Variants in SLC8A1 observed in about 807,000 individuals in gnomAD.
The protein encoded by SLC8A1 is solute carrier family 8 member A1, also known as sodium/calcium exchanger 1.
Under a neutral mutation model 68.3 loss-of-function variants are expected in SLC8A1, and 18 were observed. The observed-to-expected ratio is 0.26, with a 90% CI of 0.18 to 0.39. The LOEUF (loss-of-function observed/expected upper bound fraction) is 0.39. Among genes scored for constraint, SLC8A1 ranks in the 10% least tolerant of loss-of-function variants. The pLI is 1.00. For synonymous variants in SLC8A1, 475 were observed against 415.5 expected, an observed-to-expected ratio of 1.14 and a Z score of -1.74; for missense variants, 985 against 1,156.7, an observed-to-expected ratio of 0.85 and a Z score of 2.15.
chr2:40,254,458 A>G (rs2063546431), intron 2 of SLC8A1: 2 of 115,326 alleles, frequency 1.7e-5, no homozygotes, highest in African/African-American at 6.7e-5. Flanking sequence ...ATCAGAAAAC[A>G]TGAAGCTAAA....
chr2:40,297,082 T>C (rs2070534747), intron 2 of SLC8A1, among the ~76,000 whole-genome samples: 1 of 152,186 alleles, frequency 6.6e-6, no homozygotes, highest in Non-Finnish European at 1.5e-5. Flanking sequence ...ATGATACTCA[T>C]GGTATTCTCC....
chr2:40,272,100 C>T (rs547784039), intron 2 of SLC8A1, among the ~76,000 whole-genome samples: 22 of 152,228 alleles, frequency 1.4e-4, no homozygotes, highest in Non-Finnish European at 2.4e-4. Context: ...AACGCCTGGT[C>T]GCAAATGCTC....
intron 1 of SLC8A1, among the ~76,000 whole-genome samples, chr2:40,481,767 GTTC>G (rs1340709984): frequency 8.5e-5 from 13 of 152,180 alleles, no homozygotes; most frequent in Non-Finnish European, 1.8e-4. Flanking sequence ...TGAGATGCCA[GTTC>G]TTCATGTCTC....
chr2:40,337,366 C>T (rs1448876019), intron 2 of SLC8A1: 5 of 329,926 alleles, frequency 1.5e-5, no homozygotes, highest in South Asian at 1.2e-4. Flanking sequence ...CTCAGTCGTA[C>T]AGAGTAGTTT....
chr2:40,120,566 A>C (rs1259137148), intron 7 of SLC8A1: 1 of 152,148 alleles, frequency 6.6e-6, no homozygotes, highest in Non-Finnish European at 1.5e-5. Flanking sequence ...TAAAATACTA[A>C]ATTTATATGC....
chr2:40,250,756 C>G (rs2062613064), intron 2 of SLC8A1, among the ~76,000 whole-genome samples: 1 of 152,158 alleles, frequency 6.6e-6, no homozygotes. Flanking sequence ...TTGTGTTCCA[C>G]TGGTTTAGAA....
At chr2:40,401,195 T>G (rs1688618066) in intron 2 of SLC8A1, among the ~76,000 whole-genome samples, 1 of 152,214 alleles carries the variant, frequency 6.6e-6, no homozygotes, top group African/African-American at 2.4e-5. Flanking sequence ...CTCTGTGGCA[T>G]GCCTGCACTT....
intron 1 of SLC8A1, among the ~76,000 whole-genome samples, chr2:40,439,240 A>C (rs1024657242): frequency 2.6e-5 from 4 of 152,170 alleles, no homozygotes; most frequent in African/African-American, 7.2e-5. Flanking sequence ...AGAAGAAACA[A>C]GCAAGGATTA....
intron 2 of SLC8A1, among the ~76,000 whole-genome samples, chr2:40,314,027 T>C (rs2074102186): frequency 6.6e-6 from 1 of 152,096 alleles, no homozygotes; most frequent in Non-Finnish European, 1.5e-5. Flanking sequence ...TTAAATGTTA[T>C]CAATTTTTAA....
chr2:40,320,877 C>T lies in SLC8A1; in HGVS notation c.1808+107596G>A, dbSNP rs543713339. 3.3e-5 allele frequency among the ~76,000 whole-genome samples: 5 copies of T among 152,262 alleles called. No individual in the cohort carries two copies. In the South Asian group the frequency reaches 1.0e-3, roughly 32 times the overall value. On this transcript the variant is annotated intron_variant, in intron 2 of 7. Transcript: ENST00000406785. ...CCTCAGAACACTCTATCAGTCACTA[C>T]TCAGAACAAATTAGCCAATTTGGCT...
At chr2:40,413,162 A>G (rs1397709957) in intron 2 of SLC8A1, among the ~76,000 whole-genome samples, 1 of 152,192 alleles carries the variant, frequency 6.6e-6, no homozygotes, top group Non-Finnish European at 1.5e-5. Context: ...TGGGACTGTA[A>G]ACTAGTTCAA....
At chr2:40,509,828 T>TG (rs397765365) in intron 1 of SLC8A1, among the ~76,000 whole-genome samples, 2 of 151,944 alleles carry the variant, frequency 1.3e-5, no homozygotes, top group East Asian at 3.9e-4. Context: ...TTGTTTTTTT[T>TG]CCGGTGCAGT....
chr2:40,424,099 G>C (rs1209494234), intron 2 of SLC8A1, among the ~76,000 whole-genome samples: 1 of 151,900 alleles, frequency 6.6e-6, no homozygotes, highest in East Asian at 1.9e-4. Context: ...ATAAAGTAAA[G>C]CTTGAATATG....
At chr2:40,402,842 T>G (rs1689149902) in intron 2 of SLC8A1, among the ~76,000 whole-genome samples, 1 of 152,226 alleles carries the variant, frequency 6.6e-6, no homozygotes, top group Non-Finnish European at 1.5e-5. Flanking sequence ...CACCTACTCC[T>G]TTAACTTTGT....
At chr2:40,500,461 ATTTATCTGAG>A (rs1450782724) in intron 1 of SLC8A1, among the ~76,000 whole-genome samples, 1 of 152,066 alleles carries the variant, frequency 6.6e-6, no homozygotes, top group African/African-American at 2.4e-5. Context: ...CCTAGAGTAA[ATTTATCTGAG>A]TTTAACCCGT....
intron 1 of SLC8A1, among the ~76,000 whole-genome samples, chr2:40,505,958 C>G (rs939545430): frequency 2.0e-5 from 3 of 151,942 alleles, no homozygotes; most frequent in Non-Finnish European, 4.4e-5. Context: ...AAATCAATTA[C>G]TCTTTGTCTG....
chr2:40,259,304 G>C (rs1443442431), intron 2 of SLC8A1, among the ~76,000 whole-genome samples: 1 of 152,118 alleles, frequency 6.6e-6, no homozygotes, highest in Non-Finnish European at 1.5e-5. Flanking sequence ...AAACATTTGA[G>C]TCTTCACTGT....
intron 2 of SLC8A1, among the ~76,000 whole-genome samples, chr2:40,252,128 A>C (rs754910364): frequency 6.6e-5 from 10 of 152,096 alleles, no homozygotes; most frequent in Non-Finnish European, 1.2e-4. Context: ...TTCATCTCCA[A>C]ATTTTCTATA....
intron 2 of SLC8A1, among the ~76,000 whole-genome samples, chr2:40,361,561 G>A (rs1314598004): frequency 6.6e-6 from 1 of 151,756 alleles, no homozygotes; most frequent in Non-Finnish European, 1.5e-5. Context: ...ACCTCATCTG[G>A]TGCCCCATCA....
Sources: allele counts gnomAD v4.1 joint callset (sites outside exome capture counted in the v4.1 genomes callset), GRCh38; gene constraint gnomAD v4.1.1; transcripts MANE v1.5; gene names NCBI Gene and HGNC (gene_info 2026-07-23, HGNC 2026-07-21).